Variants in FTO observed in about 807,000 individuals in gnomAD.
The protein encoded by FTO is FTO alpha-ketoglutarate dependent dioxygenase.
A neutral mutation model predicts 63.9 loss-of-function variants in FTO; 47 were observed. The ratio of observed to expected loss-of-function variants is 0.74; its 90% CI spans 0.58 to 0.94. The LOEUF (loss-of-function observed/expected upper bound fraction) is 0.94, where lower values mean the gene tolerates loss of function less well. Among genes scored for constraint, FTO ranks in the 40% least tolerant of loss-of-function variants. The pLI is 0.00. For synonymous variants in FTO, 207 were observed against 224.4 expected, an observed-to-expected ratio of 0.92 and a Z score of 0.69; for missense variants, 562 against 618.1, an observed-to-expected ratio of 0.91 and a Z score of 0.96.
chr16:53,847,717 G>A lies in FTO; in HGVS notation c.895+3419G>A, dbSNP rs147062923. Among the ~76,000 whole-genome samples, 1,170 of 151,234 alleles carry A rather than the reference G, an allele frequency of 7.7e-3. 15 individuals are homozygous for A. Among genetic ancestry groups the A allele is most frequent in the African/African-American group, 0.027 (1,097 of 41,150 alleles). On this transcript the variant is annotated intron_variant, in intron 4 of 8. Coordinates refer to ENST00000471389, the MANE Select transcript of FTO (RefSeq NM_001080432.3). ...CGGGAGGCAGAGGTTGCAATGAGCC[G>A]AGATCACGCCATTGCACTCCAGTCT...
At chr16:53,743,693 T>G (rs1364290718) in intron 1 of FTO, among the ~76,000 whole-genome samples, 1 of 151,612 alleles carries the variant, frequency 6.6e-6, no homozygotes, top group Admixed American at 6.6e-5. Flanking sequence ...GATTGCACTA[T>G]TAATATTAAT....
chr16:53,721,256 C>T (rs1253054769), intron 1 of FTO, among the ~76,000 whole-genome samples: 3 of 152,126 alleles, frequency 2.0e-5, no homozygotes, highest in Non-Finnish European at 2.9e-5. Context: ...AGGATGTCAA[C>T]CTTTTGGCAC....
chr16:54,048,106 G>A (rs1599269226), intron 8 of FTO, among the ~76,000 whole-genome samples: 1 of 55,076 alleles, frequency 1.8e-5, no homozygotes, highest in Non-Finnish European at 2.7e-5. Context: ...AAAACTTAGA[G>A]TATAATAAAA....
chr16:53,822,815 CA>C (rs1260918336), intron 2 of FTO, among the ~76,000 whole-genome samples: 2 of 152,166 alleles, frequency 1.3e-5, no homozygotes. Flanking sequence ...GATGGCCTTA[CA>C]AAGCCTTGCA....
chr16:53,788,790 T>C (rs1398048609), intron 1 of FTO, among the ~76,000 whole-genome samples: 1 of 152,108 alleles, frequency 6.6e-6, no homozygotes, highest in Non-Finnish European at 1.5e-5. Context: ...CTCTTACTTG[T>C]ACATACTCTG....
chr16:54,065,704 G>A (rs114655992), intron 8 of FTO, among the ~76,000 whole-genome samples: 2,452 of 152,196 alleles, frequency 0.016, 71 homozygotes, highest in African/African-American at 0.053. Context: ...CAAACTATTC[G>A]CAGAGAAAAC....
intron 8 of FTO, chr16:53,992,919 G>A (rs2143922164): frequency 6.6e-6 from 1 of 152,292 alleles, no homozygotes; most frequent in South Asian, 2.1e-4. Context: ...CAGTGATTTA[G>A]ACAAATCTCA....
chr16:53,925,051 C>A (rs939208070), intron 7 of FTO, among the ~76,000 whole-genome samples: 1 of 128,700 alleles, frequency 7.8e-6, no homozygotes, highest in Non-Finnish European at 1.7e-5. Flanking sequence ...TCTTTTTTTT[C>A]TTTCTTTCTT....
rs544194699 is a variant in FTO at position 53,890,647 on chromosome 16, A to G, written c.1239+1696A>G. 2.0e-5 allele frequency among the ~76,000 whole-genome samples: 3 copies of G among 152,316 alleles called. No individual in the cohort carries two copies. The East Asian group carries it at 5.8e-4, about 29-fold the overall frequency. On this transcript the variant is annotated intron_variant, in intron 7 of 8. Transcript: ENST00000471389. The stretch of plus-strand genomic sequence containing the variant: ...TTAATGTATTAATAGTATCACAAAA[A>G]TTGATTTCTCCAAAGACCTGAATCG...
At chr16:53,816,956 T>C (rs9939811) in intron 2 of FTO, among the ~76,000 whole-genome samples, 51,829 of 152,068 alleles carry the variant, frequency 0.34, 9,980 homozygotes, top group East Asian at 0.58. Flanking sequence ...CTAAGGGTTT[T>C]CCAGCTTTTC....
chr16:53,858,953 C>T (rs2080089921), intron 4 of FTO, among the ~76,000 whole-genome samples: 1 of 152,146 alleles, frequency 6.6e-6, no homozygotes, highest in African/African-American at 2.4e-5. Context: ...GCCACCTTGC[C>T]TGGCCGATTT....
intron 1 of FTO, among the ~76,000 whole-genome samples, chr16:53,762,779 C>T (rs953702825): frequency 6.6e-6 from 1 of 152,096 alleles, no homozygotes; most frequent in African/African-American, 2.4e-5. Context: ...AAGCAAGGCT[C>T]CTTTTGTAGA....
intron 1 of FTO, among the ~76,000 whole-genome samples, chr16:53,796,552 C>T (rs1364224357): frequency 2.0e-5 from 3 of 152,152 alleles, no homozygotes; most frequent in African/African-American, 7.2e-5. Flanking sequence ...GGACATACTA[C>T]ATGAATTACT....
intron 8 of FTO, among the ~76,000 whole-genome samples, chr16:54,020,575 A>G (rs1294854549): frequency 7.0e-6 from 1 of 142,414 alleles, no homozygotes; most frequent in African/African-American, 2.6e-5. Flanking sequence ...AATGACTTGA[A>G]TCAAAAATTA....
In FTO at chr16:54,106,849, TATA is replaced by T. The variant is rs1442159734; in HGVS notation, c.1365-4907_1365-4905del. ...TATATAATTTATGTATATCATTATA[TATA>T]ATAATTATATATAATAATATAATAA... On this transcript the variant is annotated intron_variant, in intron 8 of 8. Coordinates refer to ENST00000471389, the MANE Select transcript of FTO (RefSeq NM_001080432.3). Among the ~76,000 whole-genome samples, 1,039 of 137,548 alleles carry T rather than the reference TATA, an allele frequency of 7.6e-3. 3 individuals carry two copies. Among genetic ancestry groups the T allele is most frequent in the Non-Finnish European group, 0.012 (805 of 65,756 alleles). The allele number at this position is 137,548 out of a possible 152,430, so 90.2% of individuals were successfully genotyped here. A position where few individuals can be genotyped will look rare whatever the true frequency, so the allele number is the denominator to read the frequency against.
chr16:53,852,101 C>CAAAAAAAA (rs57004473), intron 4 of FTO, among the ~76,000 whole-genome samples: 1,071 of 54,408 alleles, frequency 0.02, 108 homozygotes, highest in African/African-American at 0.054. Context: ...ACAAAAAATA[C>CAAAAAAAA]AAAAAAAAAA....
chr16:53,961,711 C>T (rs1406840803), intron 8 of FTO, among the ~76,000 whole-genome samples: 3 of 152,146 alleles, frequency 2.0e-5, no homozygotes, highest in Non-Finnish European at 4.4e-5. Context: ...AATACACTTT[C>T]GCTTCTAATT....
chr16:53,956,040 T>C (rs922948560), intron 8 of FTO, among the ~76,000 whole-genome samples: 31 of 152,242 alleles, frequency 2.0e-4, no homozygotes, highest in African/African-American at 7.0e-4. Flanking sequence ...TATGTGTTGA[T>C]GGTTTGTGTG....
In FTO at chr16:53,853,790, G is replaced by A. The variant is rs118049922; in HGVS notation, c.895+9492G>A. On this transcript the variant is annotated intron_variant, in intron 4 of 8. Transcript: ENST00000471389. The stretch of plus-strand genomic sequence containing the variant: ...GAAATGTGCTGCAATAAACATATGC[G>A]TGCAGATATCTTTTTGATATAATGA... 0.023 allele frequency among the ~76,000 whole-genome samples: 3,494 copies of A among 152,122 alleles called. 393 individuals are homozygous for A. The East Asian group carries it at 0.36, about 16-fold the overall frequency.
Sources: gnomAD v4.1 joint callset for allele counts (sites outside exome capture counted in the v4.1 genomes callset) on GRCh38, gnomAD v4.1.1 for gene constraint, MANE v1.5 for transcripts, NCBI Gene and HGNC (gene_info 2026-07-23, HGNC 2026-07-21) for gene names.